Variants in PLOD2 observed in about 807,000 individuals in gnomAD.
The protein encoded by PLOD2 is procollagen-lysine,2-oxoglutarate 5-dioxygenase 2.
In PLOD2, 65 loss-of-function variants were observed where a neutral mutation model predicts 101.0. The observed-to-expected ratio is 0.64, with a 90% CI of 0.53 to 0.79. PLOD2 has a LOEUF of 0.79. PLOD2 is among the 30% of genes least tolerant of loss of function. The pLI, the probability that PLOD2 is intolerant of heterozygous loss-of-function variation, is 0.00. For synonymous variants in PLOD2, 314 were observed against 302.9 expected (o/e 1.04, Z -0.38); for missense variants, 909 against 914.6 (o/e 0.99, Z 0.08).
intron 4 of PLOD2, among the ~76,000 whole-genome samples, chr3:146,108,090 C>T (rs1485210728): frequency 2.6e-5 from 4 of 151,992 alleles, no homozygotes; most frequent in Non-Finnish European, 5.9e-5. Flanking sequence ...CCTTATTTTA[C>T]AGACCCCAAA....
intron 15 of PLOD2, among the ~76,000 whole-genome samples, chr3:146,074,225 G>T (rs758467001): frequency 1.3e-5 from 2 of 151,326 alleles, no homozygotes; most frequent in Non-Finnish European, 3.0e-5. Flanking sequence ...AATACATGGA[G>T]TAATATAAAT....
chr3:146,115,825 C>T (rs1937881905), intron 3 of PLOD2, among the ~76,000 whole-genome samples: 1 of 152,206 alleles, frequency 6.6e-6, no homozygotes, highest in South Asian at 2.1e-4. Context: ...TTGTCTGTCA[C>T]AGTGACTGAA....
At chr3:146,156,224 T>G (rs567179341) in intron 1 of PLOD2, among the ~76,000 whole-genome samples, 1 of 152,218 alleles carries the variant, frequency 6.6e-6, no homozygotes, top group African/African-American at 2.4e-5. Flanking sequence ...CAGCTGCTAC[T>G]GTCCAGAAGC....
chr3:146,144,422 C>T (rs2031674543), intron 1 of PLOD2, among the ~76,000 whole-genome samples: 1 of 152,106 alleles, frequency 6.6e-6, no homozygotes, highest in South Asian at 2.1e-4. Context: ...CCCTTTTGTA[C>T]ACTGCTCGTG....
chr3:146,132,108 C>A (rs564596785), intron 1 of PLOD2, among the ~76,000 whole-genome samples: 1 of 152,132 alleles, frequency 6.6e-6, no homozygotes, highest in Admixed American at 6.6e-5. Flanking sequence ...CTTCCACAGC[C>A]CACTCTGGAC....
intron 1 of PLOD2, among the ~76,000 whole-genome samples, chr3:146,131,336 C>G (rs1707479): frequency 0.51 from 77,894 of 151,926 alleles, 20,138 homozygotes; most frequent in African/African-American, 0.58. Flanking sequence ...TGTAGGTCCT[C>G]CTGGTGAATC....
In PLOD2 at chr3:146,070,858, T is replaced by C; in HGVS notation, c.2136A>G (p.Lys712=). 2 of 1,609,652 alleles carry C rather than the reference T, an allele frequency of 1.2e-6. No homozygotes were observed. The highest frequency in any genetic ancestry group is 1.7e-6 in the Non-Finnish European group (2 of 1,177,102). Residue 712 remains lysine (K), a synonymous_variant, in exon 20 of 20, where the codon AAA becomes AAG. Transcript: ENST00000282903. ...VGEDFQGGGC[K]FLRYNCSIES... ...CAATAGAGCAATTGTACCTTAGAAA[T>C]TTGCAACCACCTCCCTAAAAAAGTT...
At chr3:146,151,432 GGTT>G (rs2032049251) in intron 1 of PLOD2, among the ~76,000 whole-genome samples, 1 of 152,138 alleles carries the variant, frequency 6.6e-6, no homozygotes, top group South Asian at 2.1e-4. Context: ...GAGAGGCGGA[GGTT>G]GCAGTGAGCC....
intron 1 of PLOD2, among the ~76,000 whole-genome samples, chr3:146,157,099 G>C (rs572905367): frequency 1.4e-4 from 22 of 152,302 alleles, no homozygotes; most frequent in African/African-American, 5.1e-4. Context: ...GGGTTCCCAA[G>C]CAGAGAAAGG....
At chr3:146,157,394 C>T (rs2032351187) in intron 1 of PLOD2, among the ~76,000 whole-genome samples, 1 of 152,014 alleles carries the variant, frequency 6.6e-6, no homozygotes, top group Non-Finnish European at 1.5e-5. Flanking sequence ...ATAAAAAGAA[C>T]CAAACAAAAA....
At chr3:146,097,826 A>AG (rs34940478) in intron 7 of PLOD2, among the ~76,000 whole-genome samples, 1 of 144,108 alleles carries the variant, frequency 6.9e-6, no homozygotes, top group Admixed American at 6.9e-5. Flanking sequence ...AATAATAATA[A>AG]AAAAAGAAAA....
intron 7 of PLOD2, among the ~76,000 whole-genome samples, chr3:146,101,322 G>A (rs906394259): frequency 6.6e-6 from 1 of 152,188 alleles, no homozygotes; most frequent in African/African-American, 2.4e-5. Context: ...TACTAAAACA[G>A]TAAGGATGAG....
chr3:146,081,479 G>A (rs1936537753), intron 12 of PLOD2, among the ~76,000 whole-genome samples: 1 of 152,130 alleles, frequency 6.6e-6, no homozygotes, highest in Non-Finnish European at 1.5e-5. Flanking sequence ...CATAATGTGA[G>A]TATGGTAAAC....
chr3:146,105,962 G>A (rs1937529080), intron 5 of PLOD2, among the ~76,000 whole-genome samples: 1 of 152,304 alleles, frequency 6.6e-6, no homozygotes, highest in African/African-American at 2.4e-5. Flanking sequence ...TAGCTGCCAA[G>A]ATGGAGTGAA....
chr3:146,098,098 G>T (rs972210849), intron 7 of PLOD2, among the ~76,000 whole-genome samples: 1 of 152,108 alleles, frequency 6.6e-6, no homozygotes, highest in Non-Finnish European at 1.5e-5. Flanking sequence ...AATACATAAT[G>T]CATGCAGAGT....
chr3:146,082,033 T>G (rs1936560742), intron 11 of PLOD2, among the ~76,000 whole-genome samples, 170 bp from the exon 12 acceptor site: 2 of 152,156 alleles, frequency 1.3e-5, no homozygotes, highest in African/African-American at 4.8e-5. Context: ...TCCCAACATC[T>G]TTTCTTAAGT....
intron 3 of PLOD2, among the ~76,000 whole-genome samples, chr3:146,118,813 T>G (rs1451802013): frequency 1.3e-5 from 2 of 152,206 alleles, no homozygotes; most frequent in Non-Finnish European, 2.9e-5. Context: ...TTTATAACTT[T>G]GCGTGGTCTT....
At chr3:146,091,635 A>T (rs564192181) in intron 8 of PLOD2, among the ~76,000 whole-genome samples, 165 bp downstream of exon 8, 1 of 152,124 alleles carries the variant, frequency 6.6e-6, no homozygotes, top group South Asian at 2.1e-4. Flanking sequence ...GTTCTGAAAC[A>T]CAAATCTAGC....
intron 1 of PLOD2, among the ~76,000 whole-genome samples, chr3:146,129,864 C>CT (rs1463899890): frequency 1.3e-5 from 2 of 152,198 alleles, no homozygotes; most frequent in East Asian, 1.9e-4. Flanking sequence ...TATAATAACT[C>CT]TAACTCAAGT....
Sources: gnomAD v4.1 joint callset for allele counts (sites outside exome capture counted in the v4.1 genomes callset) on GRCh38, gnomAD v4.1.1 for gene constraint, MANE v1.5 for transcripts, NCBI Gene and HGNC (gene_info 2026-07-23, HGNC 2026-07-21) for gene names.